Variants in MYBPC1 observed in about 807,000 individuals in gnomAD.
MYBPC1 encodes myosin-binding protein C, slow-type.
In MYBPC1, 52 loss-of-function variants were observed where a neutral mutation model predicts 147.1. The observed-to-expected ratio is 0.35, with a 90% CI of 0.28 to 0.45. MYBPC1 has a LOEUF of 0.45. Among genes scored for constraint, MYBPC1 ranks in the 20% least tolerant of loss-of-function variants. The pLI, the probability that MYBPC1 is intolerant of heterozygous loss-of-function variation, is 1.00. For synonymous variants in MYBPC1, 477 were observed against 475.9 expected (o/e 1.00, Z -0.03); for missense variants, 1,228 against 1,440.3 (o/e 0.85, Z 2.39).
chr12:101,682,682 C>A lies in MYBPC1; in HGVS notation c.3492+20C>A. The stretch of plus-strand genomic sequence containing the variant: ...CAACAGGTTTAAAAAGTTTATATCC[C>A]ACTGGATATTCTACTTTCCGTTCCA... On this transcript the variant is annotated intron_variant, in intron 30 of 31. Transcript: ENST00000361466. 1 of 1,593,332 alleles carries A rather than the reference C, an allele frequency of 6.3e-7. No homozygotes were observed. Among genetic ancestry groups the A allele is most frequent in the Non-Finnish European group, 8.6e-7 (1 of 1,161,408 alleles).
chr12:101,683,986 A>C (rs573281298), intron 30 of MYBPC1, among the ~76,000 whole-genome samples: 1 of 152,200 alleles, frequency 6.6e-6, no homozygotes, highest in Non-Finnish European at 1.5e-5. Context: ...GTACACTAAC[A>C]CTTTGTCTAT....
At chr12:101,676,723 C>T (rs1900073530) in intron 26 of MYBPC1, among the ~76,000 whole-genome samples, 1 of 151,814 alleles carries the variant, frequency 6.6e-6, no homozygotes, top group South Asian at 2.1e-4. Context: ...TGCACTCCAG[C>T]CTGGGTGACA....
At chr12:101,689,438 G>A (rs944021471), downstream of MYBPC1, among the ~76,000 whole-genome samples, 1 of 152,160 alleles carries the variant, frequency 6.6e-6, no homozygotes, top group Non-Finnish European at 1.5e-5. Flanking sequence ...GTCAAACCCA[G>A]TATGGTTCAC....
chr12:101,631,427 A>T, intron 6 of MYBPC1, 144 bp from the exon 7 acceptor site: 1 of 964,180 alleles, frequency 1.0e-6, no homozygotes, highest in Admixed American at 1.9e-5. Flanking sequence ...TTCATAAAAA[A>T]ATCAGGACGA....
At chr12:101,687,320 G>T (rs2005916), downstream of MYBPC1, among the ~76,000 whole-genome samples, 85,747 of 151,764 alleles carry the variant, frequency 0.57, 24,980 homozygotes, top group Non-Finnish European at 0.63. Context: ...GAGAACATGC[G>T]GTGTTTGTTT....
At position 101,662,374 on chromosome 12, in the gene MYBPC1, G is replaced by A; in HGVS notation, c.2049G>A (p.Arg683=). The A allele has an allele frequency of 6.2e-7, 1 of 1,614,006 alleles. No individual in the cohort carries two copies. Among genetic ancestry groups the A allele is most frequent in the Non-Finnish European group, 8.5e-7 (1 of 1,180,006 alleles). Residue 683 remains arginine, a synonymous_variant, in exon 21 of 32, where the codon AGG becomes AGA. Transcript: ENST00000361466. The part of the protein sequence containing the change: ...GSPILGYFIE[R]KKKQSSRWMR... ...TACCTGCAGGATATTTTATTGAGAG[G>A]AAGAAGAAACAAAGCTCCAGGTGGA...
At chr12:101,627,671 A>G in intron 4 of MYBPC1, 98 bp from the exon 5 acceptor site, 7 of 1,343,738 alleles carry the variant, frequency 5.2e-6, no homozygotes, top group Non-Finnish European at 7.5e-6. Context: ...TCACCAGAGG[A>G]GACAGGGTTT....
At chr12:101,646,981 C>A in intron 13 of MYBPC1, 94 bp downstream of exon 13, 1 of 1,485,512 alleles carries the variant, frequency 6.7e-7, no homozygotes, top group Non-Finnish European at 9.4e-7. Context: ...GGCTCCTCTA[C>A]ACTGGCAGCT....
Position 101,629,512 on chromosome 12 carries a change from T to C in MYBPC1, c.257T>C (p.Ile86Thr), listed in dbSNP as rs750512846. 2.7e-5 allele frequency: 43 copies of C among 1,613,720 alleles called. No individual in the cohort carries two copies. The highest frequency in any genetic ancestry group is 3.1e-5 in the Non-Finnish European group (36 of 1,179,780). Residue 86 changes from isoleucine to threonine, a missense_variant, in exon 6 of 32, where the codon ATT becomes ACT. Around this residue, in one of 2 missense-constraint regions of MYBPC1, gnomAD observed 151 missense variants for 126.1 expected, o/e 1.20. Transcript: ENST00000361466. ...AACTCCCAGCTGTCCATCTTGTTCA[T>C]TGAAAAACCTCAAGGAGGAACAGTG... ...NANSQLSILF[I>T]EKPQGGTVKV...
chr12:101,678,039 C>T, intron 27 of MYBPC1, 63 bp from the exon 28 acceptor site: 1 of 1,559,868 alleles, frequency 6.4e-7, no homozygotes, highest in Non-Finnish European at 8.8e-7. Flanking sequence ...AAGTATGCCA[C>T]CAATAATATA....
chr12:101,658,868 G>T lies in MYBPC1; in HGVS notation c.1768-804G>T, dbSNP rs148069379. The stretch of plus-strand genomic sequence containing the variant: ...CCTGATACAGACACAAAAGAGTAGA[G>T]AGTTTACCTAGTATTTAGTGGCAAA... On this transcript the variant is annotated intron_variant, in intron 18 of 31. Coordinates refer to ENST00000361466, the MANE Select transcript of MYBPC1 (RefSeq NM_002465.4). 4.5e-3 allele frequency among the ~76,000 whole-genome samples: 685 copies of T among 152,242 alleles called. 3 individuals carry two copies. The highest frequency in any genetic ancestry group is 0.016 in the African/African-American group (655 of 41,560).
chr12:101,630,998 A>G lies in MYBPC1; in HGVS notation c.290-573A>G, dbSNP rs11833998. 5.4e-3 allele frequency among the ~76,000 whole-genome samples: 829 copies of G among 152,294 alleles called. 10 individuals carry two copies. The highest frequency in any genetic ancestry group is 0.019 in the African/African-American group (782 of 41,556). On this transcript the variant is annotated intron_variant, in intron 6 of 31. Transcript: ENST00000361466. ...GGTTCCCCTTATGTTCCTGTACGAC[A>G]TTGAAATGCTGGGCTGGAAGCTGGA...
downstream of MYBPC1, among the ~76,000 whole-genome samples, chr12:101,687,330 T>G (rs1951366057): frequency 6.6e-6 from 1 of 152,164 alleles, no homozygotes; most frequent in African/African-American, 2.4e-5. Flanking sequence ...GGTGTTTGTT[T>G]TTTTGTCCTT....
intron 1 of MYBPC1, among the ~76,000 whole-genome samples, chr12:101,610,026 T>A (rs1344264121): frequency 6.6e-6 from 1 of 152,148 alleles, no homozygotes; most frequent in Non-Finnish European, 1.5e-5. Flanking sequence ...GAGACAAACA[T>A]ATGAATTAGA....
intron 30 of MYBPC1, among the ~76,000 whole-genome samples, chr12:101,683,662 G>A (rs1273683383): frequency 6.6e-6 from 1 of 152,124 alleles, no homozygotes; most frequent in Non-Finnish European, 1.5e-5. Flanking sequence ...CCCCCATTTG[G>A]AATTGCAAAT....
At chr12:101,668,464 CTT>C (rs1204077324) in intron 23 of MYBPC1, among the ~76,000 whole-genome samples, 1 of 151,864 alleles carries the variant, frequency 6.6e-6, no homozygotes, top group Non-Finnish European at 1.5e-5. Flanking sequence ...CTTAGAGTCT[CTT>C]TTTTTTATTT....
rs758224730 is a variant in MYBPC1 at position 101,642,403 on chromosome 12, G to C, written c.666-16G>C. On this transcript the variant is annotated splice_polypyrimidine_tract_variant and intron_variant, in intron 10 of 31. Transcript: ENST00000361466. ...CAGTGCAGCTACTAAACTAGACCATGGTTCTCCCCGGTTAGGGAGGTGAAG... is the reference window on the plus strand; with the variant it reads ...CAGTGCAGCTACTAAACTAGACCATCGTTCTCCCCGGTTAGGGAGGTGAAG... 3 of 1,613,770 alleles carry C rather than the reference G, an allele frequency of 1.9e-6. No individual in the cohort carries two copies. The African/African-American group carries it at 4.0e-5, about 22-fold the overall frequency.
intron 3 of MYBPC1, among the ~76,000 whole-genome samples, chr12:101,624,452 C>T (rs1888092845): frequency 6.6e-6 from 1 of 151,984 alleles, no homozygotes; most frequent in African/African-American, 2.4e-5. Flanking sequence ...CAGTCATATA[C>T]ATTTACATTT....
intron 22 of MYBPC1, chr12:101,666,862 T>TGA: frequency 7.4e-7 from 1 of 1,357,236 alleles, no homozygotes; most frequent in South Asian, 1.2e-5. Flanking sequence ...GAATATTGAA[T>TGA]GACCAAGCAT....
Sources: allele counts gnomAD v4.1 joint callset (sites outside exome capture counted in the v4.1 genomes callset), GRCh38; gene constraint gnomAD v4.1.1; regional missense constraint gnomAD v4.1.1; transcripts MANE v1.5; gene names NCBI Gene and HGNC (gene_info 2026-07-23, HGNC 2026-07-21).